LEPR: variants seen among roughly 807,000 people sequenced by gnomAD.
LEPR encodes OB receptor.
Under a neutral mutation model 114.7 loss-of-function variants are expected in LEPR, and 56 were observed. The observed-to-expected ratio is 0.49, with a 90% CI of 0.39 to 0.61. The LOEUF is 0.61. Among genes scored for constraint, LEPR ranks in the 20% least tolerant of loss-of-function variants. LEPR has a pLI of 0.00. For synonymous variants in LEPR, 443 were observed against 461.4 expected, an observed-to-expected ratio of 0.96 and a Z score of 0.51; for missense variants, 1,202 against 1,352.9, an observed-to-expected ratio of 0.89 and a Z score of 1.75.
intron 2 of LEPR, among the ~76,000 whole-genome samples, chr1:65,483,893 A>G (rs1647342712): frequency 6.6e-6 from 1 of 150,972 alleles, no homozygotes; most frequent in Non-Finnish European, 1.5e-5. Flanking sequence ...TTTTTTCTTT[A>G]TAACCTTCAT....
chr1:65,596,152 A>G (rs1015848957), intron 6 of LEPR, among the ~76,000 whole-genome samples: 1 of 152,144 alleles, frequency 6.6e-6, no homozygotes, highest in Admixed American at 6.6e-5. Context: ...TAATAAAGTT[A>G]AGTGGGATTC....
Position 65,570,526 on chromosome 1 carries a change from A to G in LEPR, c.94A>G (p.Arg32Gly). ...CTTGTCATATCCAATTACTCCTTGGAGATTTAAGTTGTCTTGCATGCCACC... is the reference window on the plus strand; with the variant it reads ...CTTGTCATATCCAATTACTCCTTGGGGATTTAAGTTGTCTTGCATGCCACC... ...FNLSYPITPW[R>G]FKLSCMPPNS... The change falls in exon 4 of 20, where the codon AGA becomes GGA. Residue 32 changes from arginine to glycine, a missense_variant. Transcript: ENST00000349533. The G allele has an allele frequency of 6.2e-7, 1 of 1,613,946 alleles. No individual in the cohort carries two copies. Among genetic ancestry groups the G allele is most frequent in the Non-Finnish European group, 8.5e-7 (1 of 1,179,944 alleles).
At position 65,636,212 on chromosome 1, in the gene LEPR, T is replaced by A; in HGVS notation, c.2695T>A (p.Phe899Ile). The change falls in exon 20 of 20, where the codon TTT (phenylalanine) becomes ATT (isoleucine). Residue 899 changes from phenylalanine (F) to isoleucine (I), a missense_variant. Coordinates refer to ENST00000349533, the MANE Select transcript of LEPR (RefSeq NM_002303.6). The part of the protein sequence containing the change: ...FQKPETFEHL[F>I]IKHTASVTCG... ...TTAGCCAGAAACGTTTGAGCATCTT[T>A]TTATCAAGCATACAGCATCAGTGAC... The A allele has an allele frequency of 6.2e-7, 1 of 1,613,932 alleles. No homozygotes were observed. Among genetic ancestry groups the A allele is most frequent in the Non-Finnish European group, 8.5e-7 (1 of 1,179,854 alleles).
intron 2 of LEPR, among the ~76,000 whole-genome samples, chr1:65,492,745 A>G (rs1032064397): frequency 8.6e-5 from 13 of 151,534 alleles, no homozygotes; most frequent in Non-Finnish European, 1.5e-4. Context: ...GTATAGCTTC[A>G]GTGGTTATGT....
intron 2 of LEPR, among the ~76,000 whole-genome samples, chr1:65,442,476 C>T (rs1646661970): frequency 6.6e-6 from 1 of 152,184 alleles, no homozygotes; most frequent in Non-Finnish European, 1.5e-5. Flanking sequence ...TGTATAAAAA[C>T]CAAGCTATAA....
At chr1:65,469,686 A>G (rs1337737130) in intron 2 of LEPR, among the ~76,000 whole-genome samples, 6 of 152,304 alleles carry the variant, frequency 3.9e-5, no homozygotes, top group African/African-American at 1.4e-4. Flanking sequence ...ACTTAGCAAA[A>G]CAGTGTGTAT....
chr1:65,477,821 C>T (rs1480914123), intron 2 of LEPR, among the ~76,000 whole-genome samples: 1 of 152,200 alleles, frequency 6.6e-6, no homozygotes, highest in African/African-American at 2.4e-5. Flanking sequence ...TTCTCTCACC[C>T]AGATTGCCTA....
At chr1:65,609,002 A>T in intron 12 of LEPR, 101 bp downstream of exon 12, 3 of 1,426,008 alleles carry the variant, frequency 2.1e-6, no homozygotes, top group South Asian at 2.4e-5. Context: ...ATAAAAGTAC[A>T]TTCTCCTGTA....
At chr1:65,591,163 G>C (rs145338463) in intron 5 of LEPR, among the ~76,000 whole-genome samples, 2 of 151,972 alleles carry the variant, frequency 1.3e-5, no homozygotes, top group Non-Finnish European at 2.9e-5. Context: ...ATATCTTTCT[G>C]TTATTGATTT....
chr1:65,607,903 A>G (rs1234502102), intron 11 of LEPR, among the ~76,000 whole-genome samples: 1 of 152,218 alleles, frequency 6.6e-6, no homozygotes, highest in African/African-American at 2.4e-5. Context: ...TTGCATTTCT[A>G]TGATTTTTAC....
chr1:65,601,260 A>G (rs569502152), intron 8 of LEPR, 132 bp from the exon 9 acceptor site: 5 of 1,105,346 alleles, frequency 4.5e-6, no homozygotes, highest in East Asian at 5.0e-5. Context: ...AGCATTATCC[A>G]GTTTTTAAAT....
intron 2 of LEPR, among the ~76,000 whole-genome samples, chr1:65,436,553 T>G (rs1646565519): frequency 1.3e-5 from 2 of 152,168 alleles, no homozygotes; most frequent in South Asian, 4.1e-4. Context: ...AATACCAACA[T>G]AACTATAAAA....
chr1:65,582,759 T>G (rs1655074807), intron 5 of LEPR, among the ~76,000 whole-genome samples: 1 of 152,202 alleles, frequency 6.6e-6, no homozygotes, highest in South Asian at 2.1e-4. Flanking sequence ...CTCAAGGACT[T>G]TCTTGCCATT....
chr1:65,532,441 A>T (rs1650466485), intron 2 of LEPR, among the ~76,000 whole-genome samples: 1 of 152,220 alleles, frequency 6.6e-6, no homozygotes, highest in Non-Finnish European at 1.5e-5. Context: ...AGTGTTTAAG[A>T]TAGTCATATG....
intron 2 of LEPR, among the ~76,000 whole-genome samples, chr1:65,474,611 A>G (rs1216325200): frequency 2.0e-5 from 3 of 152,278 alleles, no homozygotes; most frequent in Middle Eastern, 3.4e-3. Flanking sequence ...TCACAGTCCC[A>G]TTACATACAC....
At chr1:65,568,625 T>G (rs983578688) in intron 3 of LEPR, among the ~76,000 whole-genome samples, 12 of 152,170 alleles carry the variant, frequency 7.9e-5, no homozygotes, top group African/African-American at 2.9e-4. Flanking sequence ...AATAGTGCTG[T>G]GACAAACATA....
At chr1:65,482,956 C>G (rs543262986) in intron 2 of LEPR, among the ~76,000 whole-genome samples, 2 of 150,862 alleles carry the variant, frequency 1.3e-5, no homozygotes, top group African/African-American at 4.9e-5. Context: ...CCACTACACT[C>G]CAGCCTGGGT....
At chr1:65,445,365 T>C (rs1646700875) in intron 2 of LEPR, among the ~76,000 whole-genome samples, 1 of 152,212 alleles carries the variant, frequency 6.6e-6, no homozygotes, top group South Asian at 2.1e-4. Context: ...AAAAGGAATG[T>C]CACTTGCTTA....
In LEPR at chr1:65,634,787, A is replaced by G. The variant is rs183786710; in HGVS notation, c.2674-1404A>G. The stretch of plus-strand genomic sequence containing the variant: ...TGTAGGTTCATTTAAATTTTAAGAC[A>G]GTTCAGTGCATATATAGTAGAAGCC... On this transcript the variant is annotated intron_variant, in intron 19 of 19. Transcript: ENST00000349533. 1.4e-4 allele frequency: 126 copies of G among 902,518 alleles called. 1 individual carries two copies. The African/African-American group carries it at 2.2e-3, about 16-fold the overall frequency. 55.9% of individuals were successfully genotyped at this position (902,518 alleles called of 1,614,324 possible). A position where few individuals can be genotyped will look rare whatever the true frequency, so the allele number is the denominator to read the frequency against.
Sources: allele counts gnomAD v4.1 joint callset (sites outside exome capture counted in the v4.1 genomes callset), GRCh38; gene constraint gnomAD v4.1.1; transcripts MANE v1.5; gene names NCBI Gene and HGNC (gene_info 2026-07-23, HGNC 2026-07-21).